The following METTL15 variants were observed in gnomAD, a reference collection of about 807,000 sequenced individuals.
METTL15 encodes 12S rRNA N(4)-cytidine methyltransferase METTL15.
A neutral mutation model predicts 38.3 loss-of-function variants in METTL15; 34 were observed. The observed-to-expected ratio is 0.89, with a 90% CI of 0.68 to 1.18. METTL15 has a LOEUF of 1.18. METTL15 is among the 50% of genes most tolerant of loss of function. METTL15 has a pLI of 0.00. For missense variants in METTL15, 438 were observed against 498.4 expected (o/e 0.88, Z 1.15); for synonymous variants, 162 against 170.9 (o/e 0.95, Z 0.41).
At chr11:28,377,755 T>C (rs1018725590) in intron 5 of METTL15, among the ~76,000 whole-genome samples, 2 of 152,078 alleles carry the variant, frequency 1.3e-5, no homozygotes, top group Non-Finnish European at 2.9e-5. Context: ...GAGTTTCCAG[T>C]TTTTCTGTTC....
At chr11:28,180,999 T>C (rs1851263005) in intron 3 of METTL15, among the ~76,000 whole-genome samples, 1 of 151,814 alleles carries the variant, frequency 6.6e-6, no homozygotes, top group Non-Finnish European at 1.5e-5. Flanking sequence ...ACTCTGACAG[T>C]AGCCACTGGG....
intron 4 of METTL15, among the ~76,000 whole-genome samples, chr11:28,231,811 C>G (rs909394977): frequency 1.3e-5 from 2 of 151,900 alleles, no homozygotes; most frequent in African/African-American, 4.8e-5. Flanking sequence ...TGTTCCTCAG[C>G]ACACCTTGTG....
At chr11:28,254,788 A>G (rs763285645) in intron 4 of METTL15, among the ~76,000 whole-genome samples, 1 of 151,968 alleles carries the variant, frequency 6.6e-6, no homozygotes, top group African/African-American at 2.4e-5. Flanking sequence ...TTCACTGTTG[A>G]TGTATAGATT....
At chr11:28,290,535 G>A (rs1429737326) in intron 5 of METTL15, 138 bp downstream of exon 5, 10 of 751,984 alleles carry the variant, frequency 1.3e-5, no homozygotes, top group Non-Finnish European at 2.1e-5. Context: ...AAATCAGTTT[G>A]TTTCATACTC....
intron 3 of METTL15, among the ~76,000 whole-genome samples, chr11:28,174,351 G>T (rs1193503096): frequency 6.6e-6 from 1 of 151,994 alleles, no homozygotes; most frequent in African/African-American, 2.4e-5. Context: ...TTTTCCCACT[G>T]CATTTTATTA....
intron 3 of METTL15, among the ~76,000 whole-genome samples, chr11:28,191,769 G>T (rs746162238): frequency 6.6e-6 from 1 of 151,564 alleles, no homozygotes; most frequent in Non-Finnish European, 1.5e-5. Flanking sequence ...TAAGCCTATT[G>T]TGAAAACTAG....
At chr11:28,488,562 C>T (rs1454325302) in intron 6 of METTL15, among the ~76,000 whole-genome samples, 1 of 152,160 alleles carries the variant, frequency 6.6e-6, no homozygotes, top group East Asian at 1.9e-4. Flanking sequence ...CGCTACATTG[C>T]TTATCCTAGT....
intron 5 of METTL15, among the ~76,000 whole-genome samples, chr11:28,417,987 T>A (rs1850787798): frequency 6.6e-6 from 1 of 152,174 alleles, no homozygotes; most frequent in Non-Finnish European, 1.5e-5. Flanking sequence ...CATAAATTAT[T>A]CTAACAGGCT....
At chr11:28,448,659 T>G (rs867946219) in intron 6 of METTL15, among the ~76,000 whole-genome samples, 22 of 152,166 alleles carry the variant, frequency 1.4e-4, no homozygotes, top group South Asian at 2.1e-4. Flanking sequence ...CTACCTAAGT[T>G]ATGGCAGATC....
At chr11:28,292,890 A>C (rs546706592) in intron 5 of METTL15, among the ~76,000 whole-genome samples, 3 of 152,006 alleles carry the variant, frequency 2.0e-5, no homozygotes, top group Admixed American at 2.0e-4. Flanking sequence ...TCCTTTGCCC[A>C]CTTGTTGAAG....
intron 5 of METTL15, among the ~76,000 whole-genome samples, chr11:28,380,785 T>A (rs181435540): frequency 6.6e-6 from 1 of 152,238 alleles, no homozygotes; most frequent in East Asian, 1.9e-4. Context: ...AAATGTTCTC[T>A]CTCCTTCACA....
At chr11:28,468,837 C>T (rs1177106956) in intron 6 of METTL15, among the ~76,000 whole-genome samples, 2 of 152,112 alleles carry the variant, frequency 1.3e-5, no homozygotes, top group African/African-American at 4.8e-5. Flanking sequence ...TCAATAAATG[C>T]TTCATGGTTG....
intron 5 of METTL15, among the ~76,000 whole-genome samples, chr11:28,290,672 T>A (rs1341958664): frequency 6.6e-6 from 1 of 152,158 alleles, no homozygotes; most frequent in Non-Finnish European, 1.5e-5. Context: ...ATATGGGTTT[T>A]AGAGTGTTAA....
intron 3 of METTL15, among the ~76,000 whole-genome samples, chr11:28,345,215 G>A (rs764514154): frequency 5.3e-5 from 8 of 152,060 alleles, no homozygotes; most frequent in African/African-American, 1.9e-4. Flanking sequence ...TTGAGACAGC[G>A]TCTCACTCTG....
At chr11:28,143,499 C>T (rs999739070) in intron 3 of METTL15, among the ~76,000 whole-genome samples, 2 of 152,126 alleles carry the variant, frequency 1.3e-5, no homozygotes, top group African/African-American at 4.8e-5. Flanking sequence ...CCTCTACTCT[C>T]ATCCAGGCTA....
intron 5 of METTL15, among the ~76,000 whole-genome samples, chr11:28,385,136 T>G (rs1243025154): frequency 6.6e-6 from 1 of 152,214 alleles, no homozygotes; most frequent in Non-Finnish European, 1.5e-5. Flanking sequence ...GTGCAGAAGC[T>G]CTTTAGTTTA....
At chr11:28,229,071 G>A (rs35243076) in intron 4 of METTL15, among the ~76,000 whole-genome samples, 57,332 of 151,678 alleles carry the variant, frequency 0.38, 12,470 homozygotes, top group African/African-American at 0.6. Context: ...ATGAGGTACT[G>A]TTAATACCTA....
chr11:28,316,358 G>A (rs546188645), intron 6 of METTL15, among the ~76,000 whole-genome samples: 85 of 152,162 alleles, frequency 5.6e-4, no homozygotes, highest in Non-Finnish European at 1.1e-3. Flanking sequence ...CCTGTAGCCC[G>A]TTTGTTTAGG....
intron 4 of METTL15, among the ~76,000 whole-genome samples, chr11:28,235,602 CTGTT>C (rs1222859036): frequency 2.0e-5 from 3 of 152,152 alleles, no homozygotes; most frequent in Admixed American, 6.5e-5. Context: ...ATTTGGCTCT[CTGTT>C]TGTCTGTTAT....
Sources: allele counts gnomAD v4.1 joint callset (sites outside exome capture counted in the v4.1 genomes callset), GRCh38; gene constraint gnomAD v4.1.1; transcripts MANE v1.5; gene names NCBI Gene and HGNC (gene_info 2026-07-23, HGNC 2026-07-21).